Variants in ANXA1 observed in about 807,000 individuals in gnomAD.
ANXA1 encodes the protein annexin A1, also known as annexin I (lipocortin I).
ANXA1 carries 39 observed loss-of-function variants against 47.9 expected under a neutral mutation model. The observed-to-expected ratio is 0.81, with a 90% confidence interval of 0.63 to 1.06. The LOEUF (loss-of-function observed/expected upper bound fraction) is 1.06. Ranked by LOEUF, ANXA1 falls within the 50% of genes least tolerant of loss-of-function variation. The probability of loss-of-function intolerance (pLI) is 0.00; values close to 1 mark genes in which losing one functional copy is unlikely to be tolerated. For synonymous variants in ANXA1, 146 were observed against 142.5 expected, an observed-to-expected ratio of 1.02 and a Z score of -0.17; for missense variants, 446 against 422.7, an observed-to-expected ratio of 1.06 and a Z score of -0.48.
At chr9:73,158,492 T>A in intron 1 of ANXA1, 30 bp from the exon 2 acceptor site, 1 of 1,576,122 alleles carries the variant, frequency 6.3e-7, no homozygotes, top group Non-Finnish European at 8.7e-7. Context: ...GCATTTGTTT[T>A]GTAAAAGCAT....
In ANXA1 at chr9:73,170,319, T is replaced by G; in HGVS notation, c.*212T>G. 1 of 376,452 alleles carries G rather than the reference T, an allele frequency of 2.7e-6. No individual in the cohort carries two copies. The highest frequency in any genetic ancestry group is 4.7e-6 in the Non-Finnish European group (1 of 212,242). 23.3% of individuals were successfully genotyped at this position (376,452 alleles called of 1,614,324 possible). ...ATGTTTTCCCCAAACCATAAAACCCTATACAAGTTGTTCTAGTAACAATAC... is the reference window on the plus strand; with the variant it reads ...ATGTTTTCCCCAAACCATAAAACCCGATACAAGTTGTTCTAGTAACAATAC... On this transcript the variant is annotated 3_prime_UTR_variant, in exon 13 of 13. Transcript: ENST00000257497.
rs114068544 is a variant in ANXA1 at position 73,166,015 on chromosome 9, T to C, written c.707-82T>C. ...AAAGTTGTTATTCTAAAAAATTCTT[T>C]GAGTCAGTTGCCTTGATTTTGCTAA... On this transcript the variant is annotated intron_variant, in intron 9 of 12. Transcript: ENST00000257497. The C allele has an allele frequency of 1.3e-3, 1,333 of 1,020,020 alleles. 3 individuals carry two copies. The highest frequency in any genetic ancestry group is 8.5e-3 in the African/African-American group (522 of 61,118). 63.2% of individuals were successfully genotyped at this position (1,020,020 alleles called of 1,614,324 possible).
chr9:73,158,718 T>C lies in ANXA1; in HGVS notation c.90T>C (p.Gly30=), dbSNP rs1563961645. 6.2e-7 allele frequency: 1 copy of C among 1,613,878 alleles called. No individual in the cohort carries two copies. Among genetic ancestry groups the C allele is most frequent in the Non-Finnish European group, 8.5e-7 (1 of 1,179,852 alleles). Residue 30 remains glycine (G), a synonymous_variant, in exon 3 of 13, where the codon GGT becomes GGC. Transcript: ENST00000257497. ...AGCAAACTGTGAAGTCATCCAAAGG[T>C]GGTCCCGGATCAGCGGTGAGCCCCT... The part of the protein sequence containing the change: ...EYVQTVKSSK[G]GPGSAVSPYP...
At chr9:73,162,226 G>A (rs565949396) in intron 6 of ANXA1, among the ~76,000 whole-genome samples, 1 of 152,084 alleles carries the variant, frequency 6.6e-6, no homozygotes, top group Non-Finnish European at 1.5e-5. Context: ...ACTTGGCAGG[G>A]CCAAACAAAC....
At chr9:73,162,385 TAAA>T (rs1297336004) in intron 6 of ANXA1, among the ~76,000 whole-genome samples, 3 of 152,158 alleles carry the variant, frequency 2.0e-5, no homozygotes, top group African/African-American at 7.2e-5. Context: ...TTAAACTAAA[TAAA>T]TAATTTGCAT....
chr9:73,168,059 AT>A (rs1239517273), intron 11 of ANXA1: 12 of 153,366 alleles, frequency 7.8e-5, no homozygotes, highest in Admixed American at 7.7e-4. Context: ...CATGCATGGT[AT>A]TATACAAGGT....
intron 11 of ANXA1, 183 bp downstream of exon 11, chr9:73,167,738 C>CT (rs1462812552): frequency 9.6e-5 from 54 of 560,438 alleles, no homozygotes; most frequent in South Asian, 1.9e-4. Context: ...AGATTCGGTG[C>CT]TTTTTTTTAC....
chr9:73,153,036 A>T lies in ANXA1; in HGVS notation c.-15+1112A>T, dbSNP rs186829783. On this transcript the variant is annotated intron_variant, in intron 1 of 12. Transcript: ENST00000257497. Reference sequence around the variant, plus strand: ...TATTTTGGTAGCTGTAAGAGAATGCACATTGCAAATGACTCAAATGTGGTA... The same window carrying T: ...TATTTTGGTAGCTGTAAGAGAATGCTCATTGCAAATGACTCAAATGTGGTA... Among the ~76,000 whole-genome samples the T allele has an allele frequency of 2.0e-5, 3 of 152,342 alleles. No homozygotes were observed. In the East Asian group the frequency reaches 5.8e-4, roughly 29 times the overall value.
chr9:73,154,504 CG>C (rs1434898147), intron 1 of ANXA1, among the ~76,000 whole-genome samples: 3 of 152,026 alleles, frequency 2.0e-5, no homozygotes, highest in Non-Finnish European at 4.4e-5. Context: ...GGTACAATCT[CG>C]GCTCACTGCA....
rs543730068 is a variant in ANXA1, at chr9:73,160,812, A to G, written c.394A>G (p.Thr132Ala). The change falls in exon 6 of 13, where the codon ACT becomes GCT. Residue 132 changes from threonine (T) to alanine (A), a missense_variant. Physicochemically the swap from Thr to Ala is moderately conservative, Grantham distance 58 (BLOSUM62 0). Transcript: ENST00000257497. ...ELRAAMKGLG[T>A]DEDTLIEILA... ...TTCTCTTCAAATTTAGGGCCTTGGA[A>G]CTGATGAAGATACTCTAATTGAGAT... 1.2e-5 allele frequency: 20 copies of G among 1,610,850 alleles called. No homozygotes were observed. In the South Asian group the frequency reaches 2.1e-4, roughly 17 times the overall value.
At chr9:73,158,659 T>C (rs528896897) in intron 2 of ANXA1, 36 bp from the exon 3 acceptor site, 1 of 1,610,740 alleles carries the variant, frequency 6.2e-7, no homozygotes, top group African/African-American at 1.3e-5. Context: ...CGAATATAAG[T>C]AAATGGCCAT....
At position 73,167,568 on chromosome 9, in the gene ANXA1, C is replaced by A. The variant is rs1285602081; in HGVS notation, c.861+13C>A. ...TCAAGCCATGAAAGTATGTACCATT[C>A]TACTTATATGTCCTGCTTAGAGGAA... is the stretch of plus-strand genomic sequence containing the variant. On this transcript the variant is annotated intron_variant, in intron 11 of 12. Coordinates refer to ENST00000257497, the MANE Select transcript of ANXA1 (RefSeq NM_000700.3). 3 of 1,611,602 alleles carry A rather than the reference C, an allele frequency of 1.9e-6. No individual in the cohort carries two copies. The Admixed American group carries it at 5.0e-5, about 27-fold the overall frequency.
intron 1 of ANXA1, among the ~76,000 whole-genome samples, chr9:73,154,731 G>A (rs1213131382): frequency 1.3e-5 from 2 of 152,130 alleles, no homozygotes; most frequent in Admixed American, 1.3e-4. Flanking sequence ...GAGCCACCAT[G>A]CACAGCCAAA....
At chr9:73,154,027 G>C (rs1824009289) in intron 1 of ANXA1, among the ~76,000 whole-genome samples, 1 of 152,152 alleles carries the variant, frequency 6.6e-6, no homozygotes, top group Non-Finnish European at 1.5e-5. Context: ...TCACTTAGAA[G>C]TAGCAATTAG....
At chr9:73,152,337 CAA>C (rs1470929181) in intron 1 of ANXA1, among the ~76,000 whole-genome samples, 1 of 152,034 alleles carries the variant, frequency 6.6e-6, no homozygotes, top group Non-Finnish European at 1.5e-5. Context: ...GGGGCAAGAA[CAA>C]AAGTGATAGG....
At chr9:73,156,154 TAA>T (rs375880446) in intron 1 of ANXA1, among the ~76,000 whole-genome samples, 11 of 95,520 alleles carry the variant, frequency 1.2e-4, no homozygotes, top group African/African-American at 7.2e-4. Context: ...ATAATATAAA[TAA>T]ATAAATAAAT....
In ANXA1 at chr9:73,163,511, C is replaced by A; in HGVS notation, c.591C>A (p.Asp197Glu). Residue 197 changes from aspartate (D) to glutamate (E), a missense_variant, in exon 8 of 13, where the codon GAC (aspartate) becomes GAA (glutamate). Transcript: ENST00000257497. Reference sequence around the variant, plus strand: ...CTGAGGACTTTGGTGTGAATGAAGACTTGGCTGATTCAGATGCCAGGGTAA... The same window carrying A: ...CTGAGGACTTTGGTGTGAATGAAGAATTGGCTGATTCAGATGCCAGGGTAA... ...DRSEDFGVNEDLADSDARALY... is the reference protein window; with the variant it reads ...DRSEDFGVNEELADSDARALY... The A allele has an allele frequency of 6.2e-7, 1 of 1,612,922 alleles. No individual in the cohort carries two copies. Among genetic ancestry groups the A allele is most frequent in the Non-Finnish European group, 8.5e-7 (1 of 1,179,178 alleles).
At chr9:73,166,310 A>T (rs1337412800) in intron 10 of ANXA1, 118 bp downstream of exon 10, 4 of 686,508 alleles carry the variant, frequency 5.8e-6, no homozygotes, top group Non-Finnish European at 9.6e-6. Context: ...AAACAATCAG[A>T]AGTAGTGCAT....
At chr9:73,158,485 T>C (rs1824084330) in intron 1 of ANXA1, 37 bp from the exon 2 acceptor site, 3 of 1,528,022 alleles carry the variant, frequency 2.0e-6, no homozygotes, top group Non-Finnish European at 2.7e-6. Context: ...GTGTGGTGCA[T>C]TTGTTTTGTA....
Sources: gnomAD v4.1 joint callset for allele counts (sites outside exome capture counted in the v4.1 genomes callset) on GRCh38, gnomAD v4.1.1 for gene constraint, MANE v1.5 for transcripts, NCBI Gene and HGNC (gene_info 2026-07-23, HGNC 2026-07-21) for gene names.